Variants in HIVEP3 observed in about 807,000 individuals in gnomAD.
HIVEP3 encodes transcription factor HIVEP3.
In HIVEP3, 49 loss-of-function variants were observed where a neutral mutation model predicts 152.8. The ratio of observed to expected loss-of-function variants is 0.32; its 90% CI spans 0.26 to 0.41. The LOEUF is 0.41. Ranked by LOEUF, HIVEP3 falls within the 10% of genes least tolerant of loss-of-function variation. HIVEP3 has a pLI of 1.00. For missense variants in HIVEP3, 2,790 were observed against 3,103.3 expected, an observed-to-expected ratio of 0.90 and a Z score of 2.40; for synonymous variants, 1,269 against 1,289.0, an observed-to-expected ratio of 0.98 and a Z score of 0.33.
At chr1:41,864,353 T>TA (rs997562729) in intron 1 of HIVEP3, among the ~76,000 whole-genome samples, 5 of 152,152 alleles carry the variant, frequency 3.3e-5, no homozygotes, top group African/African-American at 9.7e-5. Flanking sequence ...GTCTTATGGA[T>TA]AAGAAAATGA....
At chr1:41,539,704 C>T (rs550912568) in intron 5 of HIVEP3, among the ~76,000 whole-genome samples, 5 of 152,328 alleles carry the variant, frequency 3.3e-5, no homozygotes, top group African/African-American at 1.2e-4. Flanking sequence ...ACCAGGCCCT[C>T]GCTATGTGCC....
rs867502261 is a variant in HIVEP3 at position 41,522,402 on chromosome 1, G to C, written c.5383+2333C>G. Among the ~76,000 whole-genome samples, 23 of 152,234 alleles carry C rather than the reference G, an allele frequency of 1.5e-4. No individual in the cohort carries two copies. The Middle Eastern group carries it at 0.014, about 90-fold the overall frequency. On this transcript the variant is annotated intron_variant, in intron 6 of 8. Transcript: ENST00000372583. ...CCACCATTTCCCATCTGCTCCCTTC[G>C]TTGGTTCTGGAAGGTTCTAGTCTTC... is the stretch of plus-strand genomic sequence containing the variant.
rs914498018 is a variant in HIVEP3 at position 41,750,076 on chromosome 1, T to C, written c.-800-49081A>G. Among the ~76,000 whole-genome samples the C allele has an allele frequency of 3.9e-5, 6 of 152,048 alleles. No individual in the cohort carries two copies. The South Asian group carries it at 6.2e-4, about 16-fold the overall frequency. The stretch of plus-strand genomic sequence containing the variant: ...GGCGGTGGAGCCTCCTGGTTAAGAG[T>C]CAGAACCTGGGTGGAATCTTGGCTC... On this transcript the variant is annotated intron_variant, in intron 1 of 8. Transcript: ENST00000372583.
chr1:41,914,236 C>T (rs1644838170), intron 1 of HIVEP3, among the ~76,000 whole-genome samples: 1 of 152,178 alleles, frequency 6.6e-6, no homozygotes, highest in Non-Finnish European at 1.5e-5. Context: ...CAGTCACTTC[C>T]CACCACCATG....
intron 5 of HIVEP3, among the ~76,000 whole-genome samples, chr1:41,529,958 TCACA>T (rs1165477908): frequency 1.8e-5 from 1 of 54,600 alleles, no homozygotes; most frequent in Non-Finnish European, 3.4e-5. Flanking sequence ...CCTAACACGC[TCACA>T]GTCACACACG....
In HIVEP3 at chr1:41,711,902, G is replaced by T. The variant is rs75898836; in HGVS notation, c.-800-10907C>A. On this transcript the variant is annotated intron_variant, in intron 1 of 8. Coordinates refer to ENST00000372583, the MANE Select transcript of HIVEP3 (RefSeq NM_024503.5). The stretch of plus-strand genomic sequence containing the variant: ...TCATAAAAGGGAAGGCAGGCTCTGG[G>T]CGGTGACCAACCTTGGAGGTCAGGA... 5.0e-3 allele frequency among the ~76,000 whole-genome samples: 768 copies of T among 152,350 alleles called. 7 individuals are homozygous for T. Among genetic ancestry groups the T allele is most frequent in the Non-Finnish European group, 8.3e-3 (565 of 68,042 alleles).
chr1:41,593,227 C>G (rs541264872), intron 3 of HIVEP3, among the ~76,000 whole-genome samples: 1 of 152,182 alleles, frequency 6.6e-6, no homozygotes, highest in Non-Finnish European at 1.5e-5. Context: ...TCTCCCTGTC[C>G]CCACATGCCC....
At chr1:41,585,597 AG>A (rs1644492957) in intron 3 of HIVEP3, among the ~76,000 whole-genome samples, 1 of 152,166 alleles carries the variant, frequency 6.6e-6, no homozygotes, top group South Asian at 2.1e-4. Context: ...TGAGAACAGA[AG>A]GCAAAGTGGG....
At chr1:41,564,991 C>T (rs1644138518) in intron 5 of HIVEP3, among the ~76,000 whole-genome samples, 1 of 152,206 alleles carries the variant, frequency 6.6e-6, no homozygotes, top group African/African-American at 2.4e-5. Flanking sequence ...CTCAGCAAGA[C>T]AAGATGCACA....
At position 41,811,952 on chromosome 1, in the gene HIVEP3, A is replaced by T. The variant is rs967053474; in HGVS notation, c.-801+106461T>A. Among the ~76,000 whole-genome samples the T allele has an allele frequency of 3.3e-5, 5 of 152,170 alleles. No homozygotes were observed. The East Asian group carries it at 9.6e-4, about 29-fold the overall frequency. On this transcript the variant is annotated intron_variant, in intron 1 of 8. Coordinates refer to ENST00000372583, the MANE Select transcript of HIVEP3 (RefSeq NM_024503.5). Reference sequence around the variant, plus strand: ...AAGCAGAGGCCCAGAGAAGCCCCCGAGTGCCCAAGTTACAAAGAAGAGTGT... The same window carrying T: ...AAGCAGAGGCCCAGAGAAGCCCCCGTGTGCCCAAGTTACAAAGAAGAGTGT...
intron 1 of HIVEP3, chr1:41,864,581 T>C (rs889185208): frequency 6.6e-6 from 1 of 152,218 alleles, no homozygotes. Context: ...GGCTCACCTG[T>C]TTCTCTTCTC....
intron 5 of HIVEP3, among the ~76,000 whole-genome samples, chr1:41,525,873 G>A (rs1558026600): frequency 6.6e-6 from 1 of 152,136 alleles, no homozygotes; most frequent in Non-Finnish European, 1.5e-5. Context: ...CAGGAGAGGG[G>A]ACCCTGGCAT....
At chr1:41,862,568 T>A (rs1643901073) in intron 1 of HIVEP3, among the ~76,000 whole-genome samples, 1 of 152,084 alleles carries the variant, frequency 6.6e-6, no homozygotes, top group Non-Finnish European at 1.5e-5. Context: ...CTGGCATGCA[T>A]CTCTCCCCAT....
intron 2 of HIVEP3, among the ~76,000 whole-genome samples, chr1:41,632,562 C>T (rs1451140805): frequency 6.6e-6 from 1 of 152,048 alleles, no homozygotes; most frequent in African/African-American, 2.4e-5. Flanking sequence ...TCGAGACCAT[C>T]CTGGCCAACA....
At chr1:41,983,084 C>A (rs1451217598) in intron 1 of HIVEP3, among the ~76,000 whole-genome samples, 1 of 152,210 alleles carries the variant, frequency 6.6e-6, no homozygotes. Context: ...AGGGTTCACA[C>A]CCCTACGAGA....
At chr1:41,717,106 C>G (rs1348180954) in intron 1 of HIVEP3, among the ~76,000 whole-genome samples, 1 of 152,152 alleles carries the variant, frequency 6.6e-6, no homozygotes, top group Non-Finnish European at 1.5e-5. Context: ...GGTGAAGGCA[C>G]CCAGAGTGGT....
chr1:41,548,274 C>T (rs1361966378), intron 5 of HIVEP3, among the ~76,000 whole-genome samples: 1 of 152,116 alleles, frequency 6.6e-6, no homozygotes. Context: ...GCTGTGGTAG[C>T]GATCACTCTC....
intron 2 of HIVEP3, among the ~76,000 whole-genome samples, chr1:41,642,597 T>C (rs12070759): frequency 0.028 from 4,331 of 152,308 alleles, 80 homozygotes; most frequent in African/African-American, 0.045. Flanking sequence ...CATACAAATG[T>C]GTGTGGGCAT....
At chr1:41,734,637 G>A (rs746550556) in intron 1 of HIVEP3, among the ~76,000 whole-genome samples, 34 of 152,238 alleles carry the variant, frequency 2.2e-4, no homozygotes, top group Non-Finnish European at 4.0e-4. Flanking sequence ...CAAGAGACCA[G>A]AGAGGAGGTG....
Sources: allele counts gnomAD v4.1 joint callset (sites outside exome capture counted in the v4.1 genomes callset), GRCh38; gene constraint gnomAD v4.1.1; transcripts MANE v1.5; gene names NCBI Gene and HGNC (gene_info 2026-07-23, HGNC 2026-07-21).